STRBP: variants seen among roughly 807,000 people sequenced by gnomAD.
STRBP encodes the protein spermatid perinuclear RNA binding protein, also known as spermatid perinuclear RNA-binding protein.
A neutral mutation model predicts 80.1 loss-of-function variants in STRBP; 13 were observed. The observed-to-expected ratio is 0.16, with a 90% CI of 0.11 to 0.26. The LOEUF is 0.26. STRBP is among the 10% of genes least tolerant of loss of function. STRBP has a pLI of 1.00. For synonymous variants in STRBP, 284 were observed against 291.2 expected, an observed-to-expected ratio of 0.98 and a Z score of 0.25; for missense variants, 485 against 815.2, an observed-to-expected ratio of 0.59 and a Z score of 4.93.
At chr9:123,147,612 A>G (rs1188152491) in intron 12 of STRBP, among the ~76,000 whole-genome samples, 166 bp downstream of exon 12, 2 of 146,854 alleles carry the variant, frequency 1.4e-5, no homozygotes, top group African/African-American at 5.0e-5. Flanking sequence ...CAGGAGGTGG[A>G]GACTGCAGTG....
chr9:123,191,591 A>G (rs767215594), intron 2 of STRBP, among the ~76,000 whole-genome samples: 1 of 152,172 alleles, frequency 6.6e-6, no homozygotes, highest in African/African-American at 2.4e-5. Context: ...ATGCAAACAA[A>G]TGGGTGTGGC....
At position 123,173,661 on chromosome 9, in the gene STRBP, G is replaced by T; in HGVS notation, c.390+16C>A. On this transcript the variant is annotated intron_variant, in intron 5 of 18. Coordinates refer to ENST00000348403, the MANE Select transcript of STRBP (RefSeq NM_018387.5). ...TTTTACAAATTCGCCTAGAGGTGCA[G>T]TTAAACTGTACTCACCTGAATCTGA... 1 of 1,587,224 alleles carries T rather than the reference G, an allele frequency of 6.3e-7. No homozygotes were observed. The highest frequency in any genetic ancestry group is 2.3e-5 in the East Asian group (1 of 44,244).
chr9:123,134,516 AT>A (rs1270665892), intron 16 of STRBP, among the ~76,000 whole-genome samples: 3 of 152,202 alleles, frequency 2.0e-5, no homozygotes, highest in Non-Finnish European at 4.4e-5. Context: ...CATATCCAAA[AT>A]AGATTGCTTC....
At chr9:123,153,348 G>A (rs756240169) in intron 11 of STRBP, among the ~76,000 whole-genome samples, 2 of 151,860 alleles carry the variant, frequency 1.3e-5, no homozygotes, top group Non-Finnish European at 2.9e-5. Context: ...ATGCCACCAC[G>A]CCCAGCTAAT....
intron 1 of STRBP, among the ~76,000 whole-genome samples, chr9:123,264,538 C>G (rs576466654): frequency 1.3e-5 from 2 of 152,218 alleles, no homozygotes; most frequent in Non-Finnish European, 2.9e-5. Context: ...CCCGTATTTA[C>G]GTAGCTCCAG....
rs2132390037 is a variant in STRBP at position 123,158,365 on chromosome 9, G to A, written c.900C>T (p.Ile300=). The A allele has an allele frequency of 6.2e-7, 1 of 1,613,544 alleles. No individual in the cohort carries two copies. The highest frequency in any genetic ancestry group is 1.1e-5 in the South Asian group (1 of 91,050). Residue 300 remains isoleucine (I), a synonymous_variant, in exon 10 of 19, where the codon ATC becomes ATT. Coordinates refer to ENST00000348403, the MANE Select transcript of STRBP (RefSeq NM_018387.5). The part of the protein sequence containing the change: ...DPTDALSYMT[I]QQKEDITHSA... ...TGTGGGTAATATCTTCTTTTTGCTG[G>A]ATGGTCATATAGCTCAGAGCATCTG...
At position 123,136,586 on chromosome 9, in the gene STRBP, A is replaced by G; in HGVS notation, c.1498-71T>C. The stretch of plus-strand genomic sequence containing the variant: ...GAATATTACATTTCTTATTAATACA[A>G]TTATGCTAAGAAGGAGGCTCAAAAA... On this transcript the variant is annotated intron_variant, in intron 14 of 18. Transcript: ENST00000348403. The surrounding 1 kb of genome is among the most constrained non-coding windows in gnomAD (Gnocchi z 4.2). 6.5e-7 allele frequency: 1 copy of G among 1,541,920 alleles called. No individual in the cohort carries two copies.
intron 3 of STRBP, chr9:123,114,951 C>T (rs555872607): frequency 1.7e-5 from 6 of 345,390 alleles, no homozygotes; most frequent in East Asian, 8.1e-5. Context: ...GCCTCCCTCA[C>T]GCCTCGCCTG....
rs185316443 is a variant in STRBP, at chr9:123,204,513, T to C, written c.-164-20215A>G. Among the ~76,000 whole-genome samples the C allele has an allele frequency of 1.4e-3, 209 of 152,350 alleles. 2 individuals carry two copies. Among genetic ancestry groups the C allele is most frequent in the Non-Finnish European group, 6.8e-4 (46 of 68,044 alleles). On this transcript the variant is annotated intron_variant, in intron 2 of 18. Transcript: ENST00000348403. ...TACATGACTCCGTAGCTATTTATTT[T>C]CTTCTAACTAAAAGGGAGTAATAGA... is the stretch of plus-strand genomic sequence containing the variant.
intron 2 of STRBP, among the ~76,000 whole-genome samples, chr9:123,191,405 G>A (rs2038920198): frequency 1.3e-5 from 2 of 152,076 alleles, no homozygotes; most frequent in South Asian, 4.1e-4. Context: ...TGAGGTGGGG[G>A]AGAGAGGAGG....
Position 123,115,902 on chromosome 9 carries a change from C to G in STRBP, c.*84+27G>C, listed in dbSNP as rs1235370268. On this transcript the variant is annotated intron_variant and NMD_transcript_variant, in intron 3 of 3. Transcript: ENST00000471564. This position sits in a 1 kb window ranked among gnomAD's most constrained non-coding sequence, Gnocchi z 5.0. The stretch of plus-strand genomic sequence containing the variant: ...TTTCACCCTTTGGAACCACATACAA[C>G]AAATAAATATAATCCCTTAAAAATA... 9.9e-6 allele frequency: 4 copies of G among 405,924 alleles called. No homozygotes were observed. The highest frequency in any genetic ancestry group is 8.3e-5 in the African/African-American group (4 of 47,920). 25.1% of individuals were successfully genotyped at this position (405,924 alleles called of 1,614,324 possible).
intron 11 of STRBP, among the ~76,000 whole-genome samples, chr9:123,156,433 T>C (rs2037287978): frequency 6.6e-6 from 1 of 152,020 alleles, no homozygotes. Context: ...TGTGAGGCAC[T>C]GATTCTCAAA....
intron 2 of STRBP, among the ~76,000 whole-genome samples, chr9:123,201,477 C>G (rs2039324107): frequency 6.6e-6 from 1 of 152,160 alleles, no homozygotes; most frequent in Non-Finnish European, 1.5e-5. Context: ...AGATATCATT[C>G]AGGAGCAGAA....
downstream of STRBP, among the ~76,000 whole-genome samples, chr9:123,120,216 C>T (rs568460299): frequency 2.6e-5 from 4 of 152,160 alleles, no homozygotes; most frequent in East Asian, 7.7e-4. Context: ...CCACCCATCT[C>T]CTTTCCAAGA....
chr9:123,263,511 C>T (rs532173600), intron 1 of STRBP, among the ~76,000 whole-genome samples: 2 of 107,810 alleles, frequency 1.9e-5, no homozygotes, highest in Admixed American at 1.3e-4. Flanking sequence ...GGCCACAGAG[C>T]AAGACCCTGT....
At chr9:123,215,805 T>C (rs554609125) in intron 2 of STRBP, among the ~76,000 whole-genome samples, 40 of 152,172 alleles carry the variant, frequency 2.6e-4, no homozygotes, top group Middle Eastern at 3.4e-3. Flanking sequence ...AATAAATAAA[T>C]TCAATAAATA....
At chr9:123,264,534 T>C (rs973921137) in intron 1 of STRBP, among the ~76,000 whole-genome samples, 5 of 152,228 alleles carry the variant, frequency 3.3e-5, no homozygotes, top group Non-Finnish European at 7.4e-5. Context: ...TATCCCCGTA[T>C]TTACGTAGCT....
At chr9:123,181,244 T>G (rs1376337471) in intron 3 of STRBP, among the ~76,000 whole-genome samples, 1 of 152,170 alleles carries the variant, frequency 6.6e-6, no homozygotes, top group African/African-American at 2.4e-5. Context: ...AAACACTTAG[T>G]GAGACATATT....
At chr9:123,216,071 C>T (rs2039888179) in intron 2 of STRBP, among the ~76,000 whole-genome samples, 1 of 152,210 alleles carries the variant, frequency 6.6e-6, no homozygotes, top group Admixed American at 6.5e-5. Flanking sequence ...CCATCCTTAA[C>T]ATCTTAAACC....
Sources: allele counts gnomAD v4.1 joint callset (sites outside exome capture counted in the v4.1 genomes callset), GRCh38; gene constraint gnomAD v4.1.1; non-coding constraint Gnocchi (gnomAD v3.1); transcripts MANE v1.5; gene names NCBI Gene and HGNC (gene_info 2026-07-23, HGNC 2026-07-21).